The following CAMK4 variants were observed in gnomAD, a reference collection of about 807,000 sequenced individuals.
The protein encoded by CAMK4 is calcium/calmodulin-dependent protein kinase type IV.
Under a neutral mutation model 44.9 loss-of-function variants are expected in CAMK4, and 22 were observed. The observed-to-expected ratio is 0.49, with a 90% confidence interval of 0.35 to 0.70. CAMK4 has a LOEUF of 0.70. CAMK4 is among the 30% of genes least tolerant of loss of function. CAMK4 has a pLI of 0.01. For synonymous variants in CAMK4, 218 were observed against 215.4 expected (o/e 1.01, Z -0.11); for missense variants, 498 against 586.8 (o/e 0.85, Z 1.56).
At chr5:111,449,404 G>T (rs987584584) in intron 7 of CAMK4, among the ~76,000 whole-genome samples, 2 of 152,156 alleles carry the variant, frequency 1.3e-5, no homozygotes, top group African/African-American at 4.8e-5. Context: ...GTTGGTTTTA[G>T]GGCACTGCTG....
intron 1 of CAMK4, among the ~76,000 whole-genome samples, chr5:111,295,571 T>C (rs1747447946): frequency 2.0e-5 from 3 of 152,316 alleles, no homozygotes; most frequent in Admixed American, 2.0e-4. Flanking sequence ...AAAAGCTCTC[T>C]CTAATAAGAC....
At chr5:111,447,312 G>C (rs925342525) in intron 6 of CAMK4, among the ~76,000 whole-genome samples, 1 of 152,118 alleles carries the variant, frequency 6.6e-6, no homozygotes, top group Non-Finnish European at 1.5e-5. Context: ...GGATGGGAGT[G>C]ATTCACAGAA....
intron 2 of CAMK4, among the ~76,000 whole-genome samples, chr5:111,367,772 A>G (rs1037372979): frequency 6.6e-6 from 1 of 152,160 alleles, no homozygotes; most frequent in Non-Finnish European, 1.5e-5. Context: ...AATGGGAAAC[A>G]AAGGAAATTA....
intron 5 of CAMK4, among the ~76,000 whole-genome samples, chr5:111,446,316 C>A (rs926594361): frequency 6.6e-6 from 1 of 152,166 alleles, no homozygotes. Flanking sequence ...CATCCAATTA[C>A]GCTTTTTAGA....
At chr5:111,273,041 G>A (rs981418900) in intron 1 of CAMK4, among the ~76,000 whole-genome samples, 1 of 152,074 alleles carries the variant, frequency 6.6e-6, no homozygotes, top group Non-Finnish European at 1.5e-5. Context: ...TTGTTGTAAA[G>A]GGATGCCTCA....
chr5:111,374,433 G>T (rs1751132423), intron 2 of CAMK4, among the ~76,000 whole-genome samples: 1 of 152,090 alleles, frequency 6.6e-6, no homozygotes, highest in South Asian at 2.1e-4. Context: ...ACTCTTGTTG[G>T]GTAGGTTGGG....
At chr5:111,472,950 CTTGTT>C (rs1755114385) in intron 7 of CAMK4, among the ~76,000 whole-genome samples, 3 of 152,318 alleles carry the variant, frequency 2.0e-5, no homozygotes, top group African/African-American at 7.2e-5. Flanking sequence ...TTTTTTCTCC[CTTGTT>C]ATGCTTAACT....
At chr5:111,426,084 T>A (rs1234265378) in intron 5 of CAMK4, among the ~76,000 whole-genome samples, 1 of 140,152 alleles carries the variant, frequency 7.1e-6, no homozygotes, top group Non-Finnish European at 1.6e-5. Context: ...ACAATTTTTT[T>A]AAGTATTCCA....
chr5:111,398,981 C>T (rs185940715), intron 5 of CAMK4, among the ~76,000 whole-genome samples: 1 of 152,256 alleles, frequency 6.6e-6, no homozygotes, highest in African/African-American at 2.4e-5. Flanking sequence ...TGCTATGAAA[C>T]CTACTTCCAC....
In CAMK4 at chr5:111,487,533, C is replaced by A. The variant is rs183006967; in HGVS notation, c.*3067C>A. The A allele has an allele frequency of 1.9e-3, 294 of 152,126 alleles. 1 individual carries two copies. Among genetic ancestry groups the A allele is most frequent in the African/African-American group, 6.8e-3 (284 of 41,498 alleles). 9.4% of individuals were successfully genotyped at this position (152,126 alleles called of 1,614,324 possible). On this transcript the variant is annotated 3_prime_UTR_variant, in exon 11 of 11. Transcript: ENST00000282356. ...GCAAGCACATGTCATTTAAGATTTT[C>A]TATTAGTCACATTTTAAGAAAAATA...
intron 1 of CAMK4, among the ~76,000 whole-genome samples, chr5:111,257,312 A>C (rs827458): frequency 0.2 from 29,950 of 152,234 alleles, 3,753 homozygotes; most frequent in Non-Finnish European, 0.28. Flanking sequence ...CAAGAAAAAA[A>C]CAACCCCATT....
chr5:111,338,109 T>C (rs1749484719), intron 1 of CAMK4, among the ~76,000 whole-genome samples: 1 of 151,192 alleles, frequency 6.6e-6, no homozygotes, highest in Non-Finnish European at 1.5e-5. Context: ...AAATCATTTT[T>C]CATTGGAAAT....
At chr5:111,351,351 C>T (rs1273030794) in intron 2 of CAMK4, among the ~76,000 whole-genome samples, 1 of 152,040 alleles carries the variant, frequency 6.6e-6, no homozygotes, top group Non-Finnish European at 1.5e-5. Context: ...CACAGGTACA[C>T]ATGTGTGCAT....
chr5:111,295,217 G>T (rs974225503), intron 1 of CAMK4, among the ~76,000 whole-genome samples: 1 of 152,296 alleles, frequency 6.6e-6, no homozygotes, highest in African/African-American at 2.4e-5. Flanking sequence ...CAGCATATCT[G>T]CAGAGGAATA....
chr5:111,232,720 T>C (rs1378249951), intron 1 of CAMK4, among the ~76,000 whole-genome samples: 1 of 151,874 alleles, frequency 6.6e-6, no homozygotes, highest in African/African-American at 2.4e-5. Flanking sequence ...CTACCTATAA[T>C]GTAGATCAAA....
At chr5:111,433,178 A>G (rs1397484166) in intron 5 of CAMK4, among the ~76,000 whole-genome samples, 3 of 152,184 alleles carry the variant, frequency 2.0e-5, no homozygotes, top group African/African-American at 7.2e-5. Context: ...TCTTATATTC[A>G]TATATTCTTT....
At chr5:111,377,008 G>A (rs2112827332) in intron 4 of CAMK4, 66 bp downstream of exon 4, 1 of 955,222 alleles carries the variant, frequency 1.0e-6, no homozygotes, top group Non-Finnish European at 1.6e-6. Flanking sequence ...ATAATCTAAA[G>A]GACATTTCTC....
At chr5:111,323,779 A>G (rs1748760549) in intron 1 of CAMK4, among the ~76,000 whole-genome samples, 1 of 152,134 alleles carries the variant, frequency 6.6e-6, no homozygotes, top group Non-Finnish European at 1.5e-5. Flanking sequence ...AATTTGAAGG[A>G]AAATAACACT....
intron 5 of CAMK4, among the ~76,000 whole-genome samples, chr5:111,410,169 A>G (rs1360257856): frequency 6.6e-6 from 1 of 152,230 alleles, no homozygotes; most frequent in Admixed American, 6.5e-5. Flanking sequence ...GCTGATAATG[A>G]CATACCTGAA....
Sources: allele counts gnomAD v4.1 joint callset (sites outside exome capture counted in the v4.1 genomes callset), GRCh38; gene constraint gnomAD v4.1.1; transcripts MANE v1.5; gene names NCBI Gene and HGNC (gene_info 2026-07-23, HGNC 2026-07-21).